HMCN2: variants seen among roughly 807,000 people sequenced by gnomAD.
The protein encoded by HMCN2 is hemicentin-2.
Under a neutral mutation model 377.5 loss-of-function variants are expected in HMCN2, and 325 were observed. That is an observed-to-expected ratio of 0.86 (90% CI 0.79 to 0.94). The LOEUF (loss-of-function observed/expected upper bound fraction) is 0.94, where lower values mean the gene tolerates loss of function less well. Among genes scored for constraint, HMCN2 ranks in the 40% least tolerant of loss-of-function variants. HMCN2 has a pLI of 0.00. For missense variants in HMCN2, 4,543 were observed against 4,725.3 expected, an observed-to-expected ratio of 0.96 and a Z score of 1.13; for synonymous variants, 2,007 against 2,046.8, an observed-to-expected ratio of 0.98 and a Z score of 0.53.
chr9:130,301,212 C>T (rs1467007520), intron 8 of HMCN2, among the ~76,000 whole-genome samples: 2 of 152,234 alleles, frequency 1.3e-5, no homozygotes, highest in East Asian at 1.9e-4. Flanking sequence ...TCCCAGCTTC[C>T]ACTCCCCTAC....
chr9:130,407,460 G>T, intron 82 of HMCN2, 111 bp from the exon 83 acceptor site: 2 of 957,022 alleles, frequency 2.1e-6, no homozygotes, highest in Non-Finnish European at 2.8e-6. Context: ...ACCTTCACCC[G>T]GGACTCCCAT....
At chr9:130,288,816 G>A (rs782808814) in intron 4 of HMCN2, among the ~76,000 whole-genome samples, 19 of 152,192 alleles carry the variant, frequency 1.2e-4, no homozygotes, top group Non-Finnish European at 2.4e-4. Flanking sequence ...ATCACCCCTT[G>A]GGGTTGCAGG....
intron 25 of HMCN2, among the ~76,000 whole-genome samples, 170 bp from the exon 26 acceptor site, chr9:130,346,996 C>T (rs1000457325): frequency 6.6e-6 from 1 of 152,078 alleles, no homozygotes; most frequent in South Asian, 2.1e-4. Flanking sequence ...TGTGGGGGCT[C>T]CCACGGCTCC....
At position 130,405,027 on chromosome 9, in the gene HMCN2, C is replaced by G; in HGVS notation, c.12307C>G (p.Pro4103Ala). ...CGCCGAGGGGAAGTTCACCATCCAG[C>G]CTTCTGGGGAGTTGCTGGTGAAGAA... ...SGAEGKFTIQPSGELLVKNLE... is the reference protein window; with the variant it reads ...SGAEGKFTIQASGELLVKNLE... The change falls in exon 81 of 98, where the codon CCT (proline) becomes GCT (alanine). Residue 4103 changes from proline to alanine, a missense_variant. Pro to Ala is a conservative substitution (Grantham distance 27, BLOSUM62 -1). Coordinates refer to ENST00000683500, the MANE Select transcript of HMCN2 (RefSeq NM_001291815.2). 7.8e-7 allele frequency: 1 copy of G among 1,288,256 alleles called. No homozygotes were observed. 79.8% of individuals were successfully genotyped at this position (1,288,256 alleles called of 1,614,324 possible).
At chr9:130,399,745 G>A in intron 76 of HMCN2, 113 bp downstream of exon 76, 1 of 709,054 alleles carries the variant, frequency 1.4e-6, no homozygotes, top group Non-Finnish European at 2.0e-6. Flanking sequence ...GTGCTGCACT[G>A]GACACCTCCT....
At chr9:130,277,339 G>A (rs1554923492) in intron 1 of HMCN2, among the ~76,000 whole-genome samples, 1 of 152,238 alleles carries the variant, frequency 6.6e-6, no homozygotes, top group Non-Finnish European at 1.5e-5. Context: ...CAGCTGTTTG[G>A]CAAATGCCCA....
At chr9:130,336,198 A>G (rs920300983) in intron 22 of HMCN2, among the ~76,000 whole-genome samples, 81 of 152,340 alleles carry the variant, frequency 5.3e-4, no homozygotes, top group African/African-American at 1.9e-3. Context: ...CTCAAAAGGG[A>G]GCAAGTTAAT....
Position 130,427,537 on chromosome 9 carries a change from T to C in HMCN2, c.13983T>C (p.His4661=). ...ECSGGPSPCS[H]ACLNAPGRFS... Reference sequence around the variant, plus strand: ...CAGGAGGCCCTAGCCCCTGCTCCCATGCCTGCCTTAATGCACCCGGCCGCT... The same window carrying C: ...CAGGAGGCCCTAGCCCCTGCTCCCACGCCTGCCTTAATGCACCCGGCCGCT... The change falls in exon 92 of 98, where the codon CAT becomes CAC. Residue 4661 remains histidine, a synonymous_variant. Transcript: ENST00000683500. The C allele has an allele frequency of 1.3e-6, 2 of 1,550,498 alleles. No homozygotes were observed. The highest frequency in any genetic ancestry group is 1.7e-6 in the Non-Finnish European group (2 of 1,146,964).
intron 45 of HMCN2, among the ~76,000 whole-genome samples, chr9:130,370,054 T>A (rs1247872018): frequency 6.6e-6 from 1 of 150,596 alleles, no homozygotes; most frequent in South Asian, 2.1e-4. Flanking sequence ...ATGGCCCCAA[T>A]TTCCCCCAAT....
intron 80 of HMCN2, 108 bp from the exon 81 acceptor site, chr9:130,404,761 C>A: frequency 1.4e-6 from 1 of 734,294 alleles, no homozygotes; most frequent in Non-Finnish European, 1.9e-6. Flanking sequence ...GAGGGGGCAG[C>A]TGATGGCCAG....
At position 130,394,448 on chromosome 9, in the gene HMCN2, T is replaced by A; in HGVS notation, c.10565T>A (p.Met3522Lys). 7.8e-7 allele frequency: 1 copy of A among 1,289,752 alleles called. No homozygotes were observed. 79.9% of individuals were successfully genotyped at this position (1,289,752 alleles called of 1,614,324 possible). The part of the protein sequence containing the change: ...TELSLTPGAP[M>K]ELLCDAQGTP... ...CTGTCGCTGACCCCCGGCGCCCCCA[T>A]GGAGCTCCTCTGTGATGCCCAGGGC... Residue 3522 changes from methionine to lysine, a missense_variant, in exon 69 of 98, where the codon ATG (methionine) becomes AAG (lysine). Around this residue, in one of 5 missense-constraint regions of HMCN2, gnomAD observed 1,073 missense variants for 1,319.5 expected, o/e 0.81. Coordinates refer to ENST00000683500, the MANE Select transcript of HMCN2 (RefSeq NM_001291815.2). This position sits in a 1 kb window ranked among gnomAD's most constrained non-coding sequence, Gnocchi z 5.1.
intron 86 of HMCN2, among the ~76,000 whole-genome samples, chr9:130,420,653 G>A (rs973355331): frequency 1.2e-4 from 18 of 151,970 alleles, no homozygotes; most frequent in African/African-American, 4.1e-4. Context: ...GGTGGTCCTC[G>A]GCATTCTGTG....
intron 25 of HMCN2, among the ~76,000 whole-genome samples, chr9:130,343,676 C>G (rs1208001962): frequency 2.0e-5 from 3 of 152,280 alleles, no homozygotes; most frequent in Non-Finnish European, 4.4e-5. Flanking sequence ...CTGCCACACA[C>G]AGCCCTGGTC....
intron 62 of HMCN2, among the ~76,000 whole-genome samples, chr9:130,388,830 G>C (rs1452975438): frequency 1.3e-5 from 2 of 152,210 alleles, no homozygotes; most frequent in Non-Finnish European, 2.9e-5. Context: ...CCATTGCGCA[G>C]GGCAGGTGCT....
intron 90 of HMCN2, among the ~76,000 whole-genome samples, chr9:130,426,551 C>T (rs966868282): frequency 1.3e-5 from 2 of 152,158 alleles, no homozygotes; most frequent in African/African-American, 4.8e-5. Context: ...ACATCGCCTG[C>T]CTTGCAGGGT....
intron 93 of HMCN2, 38 bp from the exon 94 acceptor site, chr9:130,429,519 T>G (rs1488420450): frequency 1.9e-5 from 30 of 1,549,084 alleles, no homozygotes; most frequent in Non-Finnish European, 2.2e-5. Flanking sequence ...GGCCCTGGGC[T>G]AGACCTCCCC....
intron 7 of HMCN2, among the ~76,000 whole-genome samples, chr9:130,297,652 T>C (rs949969892): frequency 1.3e-5 from 2 of 152,230 alleles, no homozygotes; most frequent in Non-Finnish European, 1.5e-5. Context: ...CCTTTAGTGC[T>C]TTCTTTCGAG....
chr9:130,287,684 G>C (rs1835493548), intron 4 of HMCN2, among the ~76,000 whole-genome samples: 1 of 152,170 alleles, frequency 6.6e-6, no homozygotes, highest in Non-Finnish European at 1.5e-5. Flanking sequence ...GAAGTTTCCA[G>C]GGACTGGGCT....
At chr9:130,429,807 C>T in intron 94 of HMCN2, 122 bp downstream of exon 94, 1 of 1,433,680 alleles carries the variant, frequency 7.0e-7, no homozygotes, top group South Asian at 1.5e-5. Context: ...CACCTCAGCT[C>T]AGGGGCTGAG....
Sources: allele counts gnomAD v4.1 joint callset (sites outside exome capture counted in the v4.1 genomes callset), GRCh38; gene constraint gnomAD v4.1.1; regional missense constraint gnomAD v4.1.1; non-coding constraint Gnocchi (gnomAD v3.1); transcripts MANE v1.5; gene names NCBI Gene and HGNC (gene_info 2026-07-23, HGNC 2026-07-21).